Variants in AFF3 observed in about 807,000 individuals in gnomAD.
AFF3 encodes AF4/FMR2 family member 3.
AFF3 carries 32 observed loss-of-function variants against 129.7 expected under a neutral mutation model. That is an observed-to-expected ratio of 0.25 (90% confidence interval 0.19 to 0.33). AFF3 has a LOEUF of 0.33. Ranked by LOEUF, AFF3 falls within the 10% of genes least tolerant of loss-of-function variation. AFF3 has a pLI of 1.00. For missense variants in AFF3, 1,373 were observed against 1,592.0 expected (o/e 0.86, Z 2.34); for synonymous variants, 644 against 635.4 (o/e 1.01, Z -0.20).
At chr2:99,597,953 C>T (rs1320043602) in intron 14 of AFF3, among the ~76,000 whole-genome samples, 2 of 152,240 alleles carry the variant, frequency 1.3e-5, no homozygotes, top group East Asian at 1.9e-4. Context: ...ACCTCGTAGG[C>T]ACCTAATAAA....
intron 8 of AFF3, among the ~76,000 whole-genome samples, chr2:99,763,510 T>C (rs1682779807): frequency 6.6e-6 from 1 of 152,168 alleles, no homozygotes; most frequent in Non-Finnish European, 1.5e-5. Flanking sequence ...ATTGCACCAC[T>C]GCACTCCAGC....
intron 12 of AFF3, among the ~76,000 whole-genome samples, chr2:99,668,604 C>T (rs906830534): frequency 1.3e-5 from 2 of 151,950 alleles, no homozygotes; most frequent in African/African-American, 4.8e-5. Context: ...ACTCTGTCAC[C>T]CAGGCTGGAG....
intron 10 of AFF3, among the ~76,000 whole-genome samples, chr2:99,728,329 T>C (rs1296812915): frequency 6.6e-6 from 1 of 152,106 alleles, no homozygotes; most frequent in Non-Finnish European, 1.5e-5. Context: ...AGGACTGTGG[T>C]AGTAACTTGG....
At chr2:99,677,289 AC>A (rs1484770251) in intron 11 of AFF3, among the ~76,000 whole-genome samples, 2 of 141,404 alleles carry the variant, frequency 1.4e-5, no homozygotes, top group South Asian at 2.3e-4. Context: ...AAAAAATTGA[AC>A]TTTTTGAATT....
intron 11 of AFF3, among the ~76,000 whole-genome samples, chr2:99,699,785 T>C (rs780882718): frequency 4.3e-4 from 66 of 152,354 alleles, no homozygotes; most frequent in Non-Finnish European, 8.1e-4. Flanking sequence ...GTCACCACAA[T>C]GCTTTCCTTC....
intron 13 of AFF3, among the ~76,000 whole-genome samples, chr2:99,625,846 T>A (rs771591702): frequency 2.0e-5 from 3 of 152,242 alleles, no homozygotes; most frequent in Non-Finnish European, 4.4e-5. Context: ...AGCTTTTGAA[T>A]TAGTTGAAGG....
chr2:99,683,224 A>G (rs1223388152), intron 11 of AFF3, among the ~76,000 whole-genome samples: 1 of 152,194 alleles, frequency 6.6e-6, no homozygotes, highest in Non-Finnish European at 1.5e-5. Flanking sequence ...TTGTGTCCTT[A>G]TGCAAAGAAC....
chr2:99,622,793 A>C (rs1682154348), intron 13 of AFF3, among the ~76,000 whole-genome samples: 1 of 152,192 alleles, frequency 6.6e-6, no homozygotes, highest in Non-Finnish European at 1.5e-5. Context: ...TCTTTCATTG[A>C]ACTCAGACCA....
chr2:99,551,188 C>A lies in AFF3; in HGVS notation c.*286G>T. The A allele has an allele frequency of 3.8e-6, 2 of 526,088 alleles. No individual in the cohort carries two copies. Among genetic ancestry groups the A allele is most frequent in the South Asian group, 3.2e-5 (1 of 31,108 alleles). 32.6% of individuals were successfully genotyped at this position (526,088 alleles called of 1,614,324 possible). ...TGTGTGTGTGTGTGTGTGTGTACTT[C>A]CTCTAGTCAGAAACCTCTGATCACT... is the stretch of plus-strand genomic sequence containing the variant. On this transcript the variant is annotated 3_prime_UTR_variant, in exon 25 of 25. Coordinates refer to ENST00000672756, the MANE Select transcript of AFF3 (RefSeq NM_001386135.1).
At chr2:99,815,327 G>A (rs995911746) in intron 8 of AFF3, among the ~76,000 whole-genome samples, 4 of 152,070 alleles carry the variant, frequency 2.6e-5, no homozygotes, top group African/African-American at 4.8e-5. Flanking sequence ...ACTGTTGTAC[G>A]ACCAGCACCA....
intron 4 of AFF3, among the ~76,000 whole-genome samples, chr2:100,054,890 C>A (rs1490108769): frequency 6.6e-6 from 1 of 152,184 alleles, no homozygotes; most frequent in Non-Finnish European, 1.5e-5. Flanking sequence ...AGCACTACCC[C>A]AGGTGACTCC....
rs550897380 is a variant in AFF3, at chr2:99,553,023, G to A, written c.3559+1288C>T. On this transcript the variant is annotated intron_variant, in intron 24 of 24. Coordinates refer to ENST00000672756, the MANE Select transcript of AFF3 (RefSeq NM_001386135.1). ...TCTTGGCTGTCTGCAACCACTGCCCGCCTTCCAGGTTCAAGCGATTCTCCT... is the reference window on the plus strand; with the variant it reads ...TCTTGGCTGTCTGCAACCACTGCCCACCTTCCAGGTTCAAGCGATTCTCCT... Among the ~76,000 whole-genome samples the A allele has an allele frequency of 4.6e-5, 7 of 152,194 alleles. No homozygotes were observed. The East Asian group carries it at 5.8e-4, about 13-fold the overall frequency.
At chr2:99,596,055 G>C (rs1053223260) in intron 14 of AFF3, among the ~76,000 whole-genome samples, 8 of 152,248 alleles carry the variant, frequency 5.3e-5, no homozygotes, top group Non-Finnish European at 1.0e-4. Flanking sequence ...GTGGGGAAGG[G>C]GGGACCCCCT....
chr2:99,642,735 G>T (rs1163543609), intron 13 of AFF3, among the ~76,000 whole-genome samples: 1 of 152,202 alleles, frequency 6.6e-6, no homozygotes, highest in Non-Finnish European at 1.5e-5. Flanking sequence ...GGAGGCAAGA[G>T]AATCATACTG....
At chr2:99,830,417 G>A (rs1222479982) in intron 8 of AFF3, among the ~76,000 whole-genome samples, 3 of 152,210 alleles carry the variant, frequency 2.0e-5, no homozygotes, top group African/African-American at 7.2e-5. Context: ...TGTCTGCAAA[G>A]CAAAAATTGT....
At chr2:100,083,801 A>C (rs1332529525) in intron 4 of AFF3, among the ~76,000 whole-genome samples, 1 of 152,040 alleles carries the variant, frequency 6.6e-6, no homozygotes, top group South Asian at 2.1e-4. Context: ...AGGCTAAGGG[A>C]GGAAGAATGG....
rs1225333053 is a variant in AFF3, at chr2:99,582,943, A to G, written c.2648T>C (p.Leu883Pro). 3.1e-6 allele frequency: 5 copies of G among 1,614,134 alleles called. No individual in the cohort carries two copies. The highest frequency in any genetic ancestry group is 1.7e-5 in the Admixed American group (1 of 60,008). Reference protein sequence around the residue: ...EKMLRSPISPLSDASKHKYTS... With the variant: ...EKMLRSPISPPSDASKHKYTS... Reference sequence around the variant, plus strand: ...GTATTTGTGTTTAGATGCATCAGAGAGGGGTGAGATGGGCGACCGAAGCAT... The same window carrying G: ...GTATTTGTGTTTAGATGCATCAGAGGGGGGTGAGATGGGCGACCGAAGCAT... Residue 883 changes from leucine (L) to proline (P), a missense_variant, in exon 17 of 25, where the codon CTC (leucine) becomes CCC (proline). Transcript: ENST00000672756.
intron 7 of AFF3, among the ~76,000 whole-genome samples, chr2:99,902,631 A>G (rs1694429347): frequency 6.6e-6 from 1 of 152,200 alleles, no homozygotes; most frequent in African/African-American, 2.4e-5. Context: ...TGGTAACTGT[A>G]TGTTCAAAGG....
At chr2:99,690,347 AT>A (rs1253950081) in intron 11 of AFF3, among the ~76,000 whole-genome samples, 3 of 150,600 alleles carry the variant, frequency 2.0e-5, no homozygotes, top group South Asian at 4.3e-4. Flanking sequence ...CGCCCGGCTA[AT>A]TTTTTTGTAT....
Sources: gnomAD v4.1 joint callset for allele counts (sites outside exome capture counted in the v4.1 genomes callset) on GRCh38, gnomAD v4.1.1 for gene constraint, MANE v1.5 for transcripts, NCBI Gene and HGNC (gene_info 2026-07-23, HGNC 2026-07-21) for gene names.